ACOXL: variants seen among roughly 807,000 people sequenced by gnomAD.
ACOXL encodes acyl-coenzyme A oxidase-like protein.
Under a neutral mutation model 71.9 loss-of-function variants are expected in ACOXL, and 70 were observed. The ratio of observed to expected loss-of-function variants is 0.97; its 90% confidence interval spans 0.80 to 1.19. The LOEUF is 1.19. Among genes scored for constraint, ACOXL ranks in the 50% most tolerant of loss-of-function variants. ACOXL has a pLI of 0.00. For missense variants in ACOXL, 703 were observed against 736.3 expected (o/e 0.95, Z 0.52); for synonymous variants, 253 against 281.6 (o/e 0.90, Z 1.02).
intron 10 of ACOXL, among the ~76,000 whole-genome samples, chr2:110,893,372 T>G (rs1177803544): frequency 5.3e-5 from 8 of 152,024 alleles, no homozygotes; most frequent in Non-Finnish European, 1.2e-4. Flanking sequence ...GAAAAATTAT[T>G]AATAATCAAA....
chr2:110,809,240 C>G (rs1458084526), intron 9 of ACOXL, among the ~76,000 whole-genome samples: 1 of 152,246 alleles, frequency 6.6e-6, no homozygotes, highest in African/African-American at 2.4e-5. Flanking sequence ...TGTGTACACA[C>G]TCGTGCATTG....
At chr2:110,774,832 A>G (rs1421906866) in intron 2 of ACOXL, among the ~76,000 whole-genome samples, 1 of 152,250 alleles carries the variant, frequency 6.6e-6, no homozygotes, top group East Asian at 1.9e-4. Context: ...TAAAATTCAC[A>G]TGGAATCTCA....
At chr2:110,907,325 A>G (rs2059490463) in intron 10 of ACOXL, among the ~76,000 whole-genome samples, 1 of 152,324 alleles carries the variant, frequency 6.6e-6, no homozygotes, top group South Asian at 2.1e-4. Context: ...TGAAAGCCCT[A>G]TCTCCAAATA....
chr2:110,976,461 A>G (rs936904344), intron 12 of ACOXL, among the ~76,000 whole-genome samples: 2 of 152,286 alleles, frequency 1.3e-5, no homozygotes, highest in Non-Finnish European at 2.9e-5. Flanking sequence ...CAGCTAGCCA[A>G]ATTATTGATC....
At chr2:110,965,431 T>C (rs2061882291) in intron 12 of ACOXL, among the ~76,000 whole-genome samples, 3 of 152,224 alleles carry the variant, frequency 2.0e-5, no homozygotes, top group African/African-American at 7.2e-5. Flanking sequence ...CCATACTGTT[T>C]TTTATAGTGG....
intron 11 of ACOXL, among the ~76,000 whole-genome samples, chr2:110,910,903 TA>T (rs1386467160): frequency 2.6e-5 from 4 of 152,158 alleles, no homozygotes; most frequent in Non-Finnish European, 1.5e-5. Flanking sequence ...TTTATTTTCT[TA>T]ATAATGTTAT....
chr2:111,103,984 C>T (rs1380185577), intron 17 of ACOXL, among the ~76,000 whole-genome samples: 1 of 152,216 alleles, frequency 6.6e-6, no homozygotes, highest in East Asian at 1.9e-4. Flanking sequence ...CTCTTCCCTT[C>T]CTTTACCCTC....
intron 12 of ACOXL, among the ~76,000 whole-genome samples, chr2:110,938,435 C>T (rs1287802909): frequency 1.3e-5 from 2 of 152,254 alleles, no homozygotes; most frequent in South Asian, 4.1e-4. Flanking sequence ...AGAGGCTCAG[C>T]CTGCAGCACT....
intron 10 of ACOXL, among the ~76,000 whole-genome samples, chr2:110,885,212 T>C (rs1164958457): frequency 6.6e-6 from 1 of 152,134 alleles, no homozygotes; most frequent in African/African-American, 2.4e-5. Context: ...TATTGAATTA[T>C]AAAAGAATTC....
At chr2:110,783,676 C>T (rs996084845) in intron 2 of ACOXL, among the ~76,000 whole-genome samples, 1 of 152,078 alleles carries the variant, frequency 6.6e-6, no homozygotes, top group African/African-American at 2.4e-5. Context: ...TATAGACACA[C>T]ACATGCATAC....
chr2:110,938,831 C>T (rs2060762516), intron 12 of ACOXL, among the ~76,000 whole-genome samples: 1 of 149,260 alleles, frequency 6.7e-6, no homozygotes, highest in African/African-American at 2.4e-5. Context: ...ATTTTTTTAC[C>T]CTGAACACTT....
chr2:110,746,503 C>G (rs1223092063), intron 1 of ACOXL, among the ~76,000 whole-genome samples: 1 of 152,094 alleles, frequency 6.6e-6, no homozygotes, highest in Non-Finnish European at 1.5e-5. Flanking sequence ...CAAGTAAGTG[C>G]ATGAGTGGCT....
intron 10 of ACOXL, among the ~76,000 whole-genome samples, chr2:110,869,877 AC>A (rs960532632): frequency 6.6e-5 from 10 of 152,122 alleles, no homozygotes; most frequent in Non-Finnish European, 1.3e-4. Context: ...GCCAGCCCCT[AC>A]CCAGATACCC....
intron 9 of ACOXL, among the ~76,000 whole-genome samples, chr2:110,810,491 A>C (rs1378304674): frequency 6.6e-6 from 1 of 151,840 alleles, no homozygotes; most frequent in African/African-American, 2.4e-5. Flanking sequence ...CCATCCACCT[A>C]TCCACCCACT....
At chr2:110,754,127 C>T (rs1679366034) in intron 1 of ACOXL, among the ~76,000 whole-genome samples, 1 of 146,380 alleles carries the variant, frequency 6.8e-6, no homozygotes, top group African/African-American at 2.6e-5. Flanking sequence ...GGCTGGAGTG[C>T]AGTGGCATGA....
chr2:111,100,564 G>A (rs547681327), intron 17 of ACOXL: 2 of 152,964 alleles, frequency 1.3e-5, no homozygotes, highest in Non-Finnish European at 2.9e-5. Context: ...TTGCCTTCAC[G>A]TCCTATTTGA....
intron 14 of ACOXL, among the ~76,000 whole-genome samples, chr2:111,019,244 A>G (rs2064625457): frequency 6.6e-6 from 1 of 152,198 alleles, no homozygotes; most frequent in Non-Finnish European, 1.5e-5. Flanking sequence ...TCCTCCATCC[A>G]CCAGGACAGT....
chr2:111,060,664 C>T (rs1028484905), intron 16 of ACOXL, among the ~76,000 whole-genome samples: 13 of 152,070 alleles, frequency 8.5e-5, no homozygotes, highest in Admixed American at 1.3e-4. Flanking sequence ...AAAAAGCCAT[C>T]GGTAGACACT....
intron 14 of ACOXL, among the ~76,000 whole-genome samples, chr2:111,024,443 G>C (rs2064921371): frequency 6.6e-6 from 1 of 152,166 alleles, no homozygotes; most frequent in Non-Finnish European, 1.5e-5. Flanking sequence ...GCAAGCCAAG[G>C]AATGTTGGAG....
Sources: allele counts gnomAD v4.1 joint callset (sites outside exome capture counted in the v4.1 genomes callset), GRCh38; gene constraint gnomAD v4.1.1; transcripts MANE v1.5; gene names NCBI Gene and HGNC (gene_info 2026-07-23, HGNC 2026-07-21).